The following CUL2 variants were observed in gnomAD, a reference collection of about 807,000 sequenced individuals.
The protein encoded by CUL2 is cullin 2, also known as cullin-2.
CUL2 carries 22 observed loss-of-function variants against 110.2 expected under a neutral mutation model. That is an observed-to-expected ratio of 0.20 (90% confidence interval 0.14 to 0.28). CUL2 has a LOEUF of 0.28. CUL2 is among the 10% of genes least tolerant of loss of function. The pLI, the probability that CUL2 is intolerant of heterozygous loss-of-function variation, is 1.00. For synonymous variants in CUL2, 279 were observed against 293.2 expected, an observed-to-expected ratio of 0.95 and a Z score of 0.49; for missense variants, 631 against 905.5, an observed-to-expected ratio of 0.70 and a Z score of 3.89.
chr10:35,123,456 A>C (rs1213387), intron 1 of CUL2, among the ~76,000 whole-genome samples: 147,183 of 152,018 alleles, frequency 0.97, 71,439 homozygotes, highest in East Asian at 1. Context: ...ATGAACTATA[A>C]TGGAAGTACC....
At chr10:35,100,515 AC>A (rs1475187126) in intron 2 of CUL2, among the ~76,000 whole-genome samples, 3 of 152,124 alleles carry the variant, frequency 2.0e-5, no homozygotes, top group African/African-American at 4.8e-5. Context: ...TAATCCCAGC[AC>A]TTTGGGAGGC....
intron 8 of CUL2, among the ~76,000 whole-genome samples, chr10:35,040,892 T>C (rs1588985171): frequency 6.6e-6 from 1 of 152,196 alleles, no homozygotes; most frequent in East Asian, 1.9e-4. Flanking sequence ...CTAATGCTGC[T>C]GCTGATGTGA....
At chr10:35,013,324 G>A (rs1379828717) in intron 19 of CUL2, among the ~76,000 whole-genome samples, 5 of 144,360 alleles carry the variant, frequency 3.5e-5, no homozygotes, top group East Asian at 2.0e-4. Context: ...CAGCCTGGGC[G>A]AGAGAGCAAG....
intron 4 of CUL2, among the ~76,000 whole-genome samples, chr10:35,060,494 G>C (rs1455891863): frequency 1.3e-5 from 2 of 152,140 alleles, no homozygotes; most frequent in African/African-American, 4.8e-5. Context: ...ATAAAATACT[G>C]AATGCTAGAG....
intron 1 of CUL2, among the ~76,000 whole-genome samples, chr10:35,082,398 G>C (rs2086965392): frequency 6.6e-6 from 1 of 152,180 alleles, no homozygotes; most frequent in African/African-American, 2.4e-5. Context: ...GCTGGGGGAA[G>C]GGGAAATGGG....
intron 19 of CUL2, 89 bp from the exon 20 acceptor site, chr10:35,012,053 C>CTT (rs5784438): frequency 2.2e-3 from 1,047 of 474,808 alleles, no homozygotes; most frequent in South Asian, 2.9e-3. Flanking sequence ...AGTGCAAATA[C>CTT]TTTTTTTTTT....
At chr10:35,025,918 T>C (rs1364894414) in intron 16 of CUL2, among the ~76,000 whole-genome samples, 1 of 152,198 alleles carries the variant, frequency 6.6e-6, no homozygotes, top group East Asian at 1.9e-4. Flanking sequence ...GAATAAACTT[T>C]TAGCATGATG....
At chr10:35,110,478 T>C (rs1033073819) in intron 1 of CUL2, among the ~76,000 whole-genome samples, 1 of 152,048 alleles carries the variant, frequency 6.6e-6, no homozygotes, top group African/African-American at 2.4e-5. Flanking sequence ...GATGGGAGAA[T>C]TGATTGTACC....
intron 3 of CUL2, 151 bp from the exon 4 acceptor site, chr10:35,061,119 T>C (rs373183306): frequency 2.3e-6 from 2 of 853,424 alleles, no homozygotes; most frequent in Non-Finnish European, 3.5e-6. Flanking sequence ...CTACACGTAT[T>C]AAAAATGAAA....
At chr10:35,020,923 G>A (rs576190373) in intron 17 of CUL2, among the ~76,000 whole-genome samples, 9 of 148,636 alleles carry the variant, frequency 6.1e-5, no homozygotes, top group African/African-American at 9.9e-5. Context: ...TCTCCTTTAC[G>A]TAGCTTGGTT....
At chr10:35,026,900 T>C (rs2085349146) in intron 16 of CUL2, among the ~76,000 whole-genome samples, 1 of 152,134 alleles carries the variant, frequency 6.6e-6, no homozygotes, top group Non-Finnish European at 1.5e-5. Context: ...TAGTTACATA[T>C]GCATACATGT....
At position 35,016,195 on chromosome 10, in the gene CUL2, T is replaced by C; in HGVS notation, c.1884A>G (p.Glu628=). ...TCTTTGGAATATTACTACATACCTT[T>C]TCTGAATCATGGTTAATCATTTTCA... is the stretch of plus-strand genomic sequence containing the variant. ...LDVKMINHDS[E]KEDIDAESSF... Residue 628 remains glutamate, a synonymous_variant, in exon 18 of 21, where the codon GAA becomes GAG. Transcript: ENST00000374749. The C allele has an allele frequency of 6.2e-7, 1 of 1,612,038 alleles. No individual in the cohort carries two copies. The highest frequency in any genetic ancestry group is 8.5e-7 in the Non-Finnish European group (1 of 1,178,610).
In CUL2 at chr10:35,028,791, A is replaced by C. The variant is rs376467046; in HGVS notation, c.1617+19T>G. 3.2e-5 allele frequency: 49 copies of C among 1,523,866 alleles called. No homozygotes were observed. Among genetic ancestry groups the C allele is most frequent in the Non-Finnish European group, 4.2e-5 (46 of 1,104,940 alleles). The allele number at this position is 1,523,866 out of a possible 1,614,324, so 94.4% of individuals were successfully genotyped here. On this transcript the variant is annotated intron_variant, in intron 16 of 20. Transcript: ENST00000374749. Reference sequence around the variant, plus strand: ...ATTAAAATTCCTTTAGTCTTCTAATATATTTCCTGCAAACTTACCATCTGT... The same window carrying C: ...ATTAAAATTCCTTTAGTCTTCTAATCTATTTCCTGCAAACTTACCATCTGT...
chr10:35,115,719 C>T (rs1014561040), intron 1 of CUL2, among the ~76,000 whole-genome samples: 1 of 151,838 alleles, frequency 6.6e-6, no homozygotes, highest in South Asian at 2.1e-4. Context: ...CATAGTGACA[C>T]CCCCATCACT....
At chr10:35,052,742 A>C (rs2086143642) in intron 5 of CUL2, among the ~76,000 whole-genome samples, 1 of 151,960 alleles carries the variant, frequency 6.6e-6, no homozygotes. Flanking sequence ...AAATATACAA[A>C]AAATTAGCCG....
At chr10:35,122,270 T>G (rs897665602) in intron 1 of CUL2, among the ~76,000 whole-genome samples, 1 of 152,222 alleles carries the variant, frequency 6.6e-6, no homozygotes, top group Admixed American at 6.5e-5. Flanking sequence ...TAAAATAAAA[T>G]AGGATAGTCA....
At chr10:35,085,411 C>G (rs1485340914) in intron 1 of CUL2, among the ~76,000 whole-genome samples, 2 of 150,840 alleles carry the variant, frequency 1.3e-5, no homozygotes, top group African/African-American at 4.9e-5. Context: ...GCCTGGGCGA[C>G]AAAGCGAGAC....
rs368115507 is a variant in CUL2 at position 35,054,406 on chromosome 10, T to C, written c.423+28A>G. On this transcript the variant is annotated intron_variant, in intron 5 of 20. Coordinates refer to ENST00000374749, the MANE Select transcript of CUL2 (RefSeq NM_003591.4). ...CTCAGTGTATAAAAACATACTTATG[T>C]TTGCTAGTCACTTAAAGAATGTCCT... is the stretch of plus-strand genomic sequence containing the variant. 738 of 1,219,242 alleles carry C rather than the reference T, an allele frequency of 6.1e-4. 1 individual carries two copies. The highest frequency in any genetic ancestry group is 4.1e-4 in the Admixed American group (19 of 46,348). 75.5% of individuals were successfully genotyped at this position (1,219,242 alleles called of 1,614,324 possible). A position where few individuals can be genotyped will look rare whatever the true frequency, so the allele number is the denominator to read the frequency against.
chr10:35,100,572 G>C (rs2087362231), intron 2 of CUL2, among the ~76,000 whole-genome samples: 1 of 151,972 alleles, frequency 6.6e-6, no homozygotes, highest in African/African-American at 2.4e-5. Context: ...GACCAGCCTG[G>C]CCAACATGGC....
Sources: gnomAD v4.1 joint callset for allele counts (sites outside exome capture counted in the v4.1 genomes callset) on GRCh38, gnomAD v4.1.1 for gene constraint, MANE v1.5 for transcripts, NCBI Gene and HGNC (gene_info 2026-07-23, HGNC 2026-07-21) for gene names.